Variants in ANKAR observed in about 807,000 individuals in gnomAD.
The protein encoded by ANKAR is ankyrin and armadillo repeat containing, also known as ankyrin and armadillo repeat-containing protein.
Under a neutral mutation model 146.2 loss-of-function variants are expected in ANKAR, and 136 were observed. That is an observed-to-expected ratio of 0.93 (90% CI 0.81 to 1.07). The LOEUF (loss-of-function observed/expected upper bound fraction) is 1.07, where lower values mean the gene tolerates loss of function less well. Ranked by LOEUF, ANKAR falls within the 50% of genes least tolerant of loss-of-function variation. The pLI is 0.00. For synonymous variants in ANKAR, 500 were observed against 575.8 expected (o/e 0.87, Z 1.88); for missense variants, 1,567 against 1,679.9 (o/e 0.93, Z 1.18).
downstream of ANKAR, chr2:189,762,413 A>C (rs1299015556): frequency 9.9e-6 from 2 of 202,398 alleles, no homozygotes; most frequent in Non-Finnish European, 1.8e-5. Flanking sequence ...CAGGGATTAG[A>C]GATGAGCGAC....
rs758913376 is a variant in ANKAR at position 189,741,432 on chromosome 2, T to G, written c.3791T>G (p.Leu1264Trp). 2 of 1,609,146 alleles carry G rather than the reference T, an allele frequency of 1.2e-6. No homozygotes were observed. Among genetic ancestry groups the G allele is most frequent in the African/African-American group, 2.7e-5 (2 of 74,906 alleles). Residue 1264 changes from leucine to tryptophan, a missense_variant, in exon 20 of 23, where the codon TTG becomes TGG. Coordinates refer to ENST00000684021, the MANE Select transcript of ANKAR (RefSeq NM_001378068.1). ...ACAATCCAACGGCTCTGCTATCATT[T>G]GTACTCGGGAATAGAAGAGGTAAAA... ...LGTIQRLCYH[L>W]YSGIEEVRAA... is the part of the protein sequence containing the mutation.
chr2:189,692,723 G>T, intron 4 of ANKAR: 1 of 272,792 alleles, frequency 3.7e-6, no homozygotes, highest in South Asian at 7.3e-5. Flanking sequence ...GAGTGCAGTA[G>T]AAATCTCTGG....
At chr2:189,682,655 T>C (rs766893527) in intron 2 of ANKAR, among the ~76,000 whole-genome samples, 9 of 152,158 alleles carry the variant, frequency 5.9e-5, no homozygotes, top group Admixed American at 2.0e-4. Context: ...CAGGATACAA[T>C]AGCAAGATGT....
At chr2:189,715,486 T>G (rs1341806029) in intron 10 of ANKAR, among the ~76,000 whole-genome samples, 1 of 152,164 alleles carries the variant, frequency 6.6e-6, no homozygotes, top group Non-Finnish European at 1.5e-5. Flanking sequence ...CCAGACGGAT[T>G]CACAGCCGAA....
At chr2:189,755,539 T>C (rs1051823293) in intron 18 of ANKAR, 14 of 1,599,344 alleles carry the variant, frequency 8.8e-6, no homozygotes, top group Non-Finnish European at 1.2e-5. Flanking sequence ...GTTGAGCTGC[T>C]GGAGGAACAA....
intron 16 of ANKAR, among the ~76,000 whole-genome samples, chr2:189,730,818 AT>A (rs2042334488): frequency 6.6e-6 from 1 of 152,174 alleles, no homozygotes; most frequent in Non-Finnish European, 1.5e-5. Context: ...ATACTAGTAA[AT>A]TTTATTAAAA....
Position 189,720,667 on chromosome 2 carries a change from G to A in ANKAR, c.2515G>A (p.Val839Met). Reference sequence around the variant, plus strand: ...TCTATTGAACTTAAACATAGAAAATGTGCTAGTAAATGTAATGAACTGTAT... The same window carrying A: ...TCTATTGAACTTAAACATAGAAAATATGCTAGTAAATGTAATGAACTGTAT... ...INLLNLNIEN[V>M]LVNVMNCIRV... The change falls in exon 12 of 23, where the codon GTG becomes ATG. Residue 839 changes from valine to methionine, a missense_variant. Physicochemically the swap from Val to Met is conservative, Grantham distance 21 (BLOSUM62 1). Coordinates refer to ENST00000684021, the MANE Select transcript of ANKAR (RefSeq NM_001378068.1). The A allele has an allele frequency of 7.1e-7, 1 of 1,405,346 alleles. No individual in the cohort carries two copies. The highest frequency in any genetic ancestry group is 1.9e-4 in the Middle Eastern group (1 of 5,304). 87.1% of individuals were successfully genotyped at this position (1,405,346 alleles called of 1,614,324 possible).
intron 11 of ANKAR, 58 bp from the exon 12 acceptor site, chr2:189,720,557 CTAAA>C: frequency 8.3e-7 from 1 of 1,203,104 alleles, no homozygotes; most frequent in Non-Finnish European, 1.1e-6. Flanking sequence ...ACTTGTATTT[CTAAA>C]TAAAGATTAC....
At chr2:189,718,351 TAC>T (rs2040798411) in intron 10 of ANKAR, among the ~76,000 whole-genome samples, 1 of 78,002 alleles carries the variant, frequency 1.3e-5, no homozygotes, top group African/African-American at 4.2e-5. Flanking sequence ...GCTATCTATC[TAC>T]ACACAGACAC....
chr2:189,695,212 A>G lies in ANKAR; in HGVS notation c.1488+51A>G, dbSNP rs781458099. 5 of 1,425,020 alleles carry G rather than the reference A, an allele frequency of 3.5e-6. No homozygotes were observed. In the African/African-American group the frequency reaches 5.7e-5, roughly 16 times the overall value. 88.3% of individuals were successfully genotyped at this position (1,425,020 alleles called of 1,614,324 possible). A position where few individuals can be genotyped will look rare whatever the true frequency, so the allele number is the denominator to read the frequency against. On this transcript the variant is annotated intron_variant, in intron 6 of 22. Transcript: ENST00000684021. The stretch of plus-strand genomic sequence containing the variant: ...TAGTATATGAAGTTATGTATTATTG[A>G]TAAGTATGTGTCTCAAACAGATGTT...
At chr2:189,748,554 C>T (rs1475707258), downstream of ANKAR, among the ~76,000 whole-genome samples, 1 of 152,182 alleles carries the variant, frequency 6.6e-6, no homozygotes, top group Non-Finnish European at 1.5e-5. Context: ...CCTCTTTAAT[C>T]TTCATATTTA....
downstream of ANKAR, among the ~76,000 whole-genome samples, chr2:189,748,867 A>AT (rs1461786162): frequency 6.6e-6 from 1 of 152,174 alleles, no homozygotes; most frequent in East Asian, 1.9e-4. Context: ...TCAATGCCAG[A>AT]TATTTCCTGA....
At chr2:189,746,069 A>G (rs1166455444) in intron 22 of ANKAR, among the ~76,000 whole-genome samples, 1 of 152,212 alleles carries the variant, frequency 6.6e-6, no homozygotes, top group African/African-American at 2.4e-5. Flanking sequence ...AATTTCATTC[A>G]ATATCAAGTC....
intron 7 of ANKAR, 28 bp downstream of exon 7, chr2:189,696,397 G>T: frequency 3.1e-6 from 5 of 1,590,170 alleles, no homozygotes; most frequent in Non-Finnish European, 4.3e-6. Context: ...AACCTAAAAT[G>T]TTGTTATTTT....
rs566756910 is a variant in ANKAR at position 189,697,893 on chromosome 2, C to A, written c.1708+1524C>A. On this transcript the variant is annotated intron_variant, in intron 7 of 22. Transcript: ENST00000684021. Reference sequence around the variant, plus strand: ...AGAGTTTCCAGGTCTGCTTTTAATGCGTTGTCAGGTTGCATATGACATGCC... The same window carrying A: ...AGAGTTTCCAGGTCTGCTTTTAATGAGTTGTCAGGTTGCATATGACATGCC... Among the ~76,000 whole-genome samples, 40 of 3,742 alleles carry A rather than the reference C, an allele frequency of 0.011. No homozygotes were observed. In the South Asian group the frequency reaches 0.49, roughly 46 times the overall value. 2.5% of individuals were successfully genotyped at this position (3,742 alleles called of 152,430 possible).
At position 189,707,146 on chromosome 2, in the gene ANKAR, G is replaced by A; in HGVS notation, c.2119G>A (p.Glu707Lys). ...ACTCCCAGTGTGGAAAACTTTGGTA[G>A]GTGAGTATAATCTCTTTATAAATAC... Reference protein sequence around the residue: ...PELPVWKTLVEMLQCESYKRR... With the variant: ...PELPVWKTLVKMLQCESYKRR... Residue 707 changes from glutamate (E) to lysine (K), a missense_variant and splice_region_variant, in exon 9 of 23, where the codon GAA becomes AAA. Coordinates refer to ENST00000684021, the MANE Select transcript of ANKAR (RefSeq NM_001378068.1). 2.0e-6 allele frequency: 3 copies of A among 1,490,218 alleles called. No homozygotes were observed. The highest frequency in any genetic ancestry group is 2.1e-5 in the Admixed American group (1 of 46,736). 92.3% of individuals were successfully genotyped at this position (1,490,218 alleles called of 1,614,324 possible).
rs777516459 is a variant in ANKAR at position 189,727,523 on chromosome 2, CAAAA to C, written c.2636-313_2636-310del. Among the ~76,000 whole-genome samples, 13 of 58,920 alleles carry C rather than the reference CAAAA, an allele frequency of 2.2e-4. No homozygotes were observed. The East Asian group carries it at 5.7e-3, about 26-fold the overall frequency. The allele number at this position is 58,920 out of a possible 152,430, so 38.7% of individuals were successfully genotyped here. On this transcript the variant is annotated intron_variant, in intron 12 of 22. Coordinates refer to ENST00000684021, the MANE Select transcript of ANKAR (RefSeq NM_001378068.1). ...TGGGTGATAGAGCCAAACCTTGTCT[CAAAA>C]AAAAAAAAAAAAAAAAAAAGGGTGG...
chr2:189,677,240 T>G lies in ANKAR; in HGVS notation c.601+149T>G, dbSNP rs569592813. ...TGCTAGGATTACAGGCATGAGCCGC[T>G]GCACCTGGCCACTTCTTAATTATTT... On this transcript the variant is annotated intron_variant, in intron 2 of 22. Coordinates refer to ENST00000684021, the MANE Select transcript of ANKAR (RefSeq NM_001378068.1). The G allele has an allele frequency of 1.3e-4, 85 of 636,928 alleles. 2 individuals carry two copies. The South Asian group carries it at 3.8e-3, about 28-fold the overall frequency. 39.5% of individuals were successfully genotyped at this position (636,928 alleles called of 1,614,324 possible).
chr2:189,680,590 C>T (rs1186504941), intron 2 of ANKAR, among the ~76,000 whole-genome samples: 1 of 151,976 alleles, frequency 6.6e-6, no homozygotes, highest in South Asian at 2.1e-4. Flanking sequence ...ATGAACTTTC[C>T]TCTTAGCTCC....
Sources: gnomAD v4.1 joint callset for allele counts (sites outside exome capture counted in the v4.1 genomes callset) on GRCh38, gnomAD v4.1.1 for gene constraint, MANE v1.5 for transcripts, NCBI Gene and HGNC (gene_info 2026-07-23, HGNC 2026-07-21) for gene names.